PTPRO: variants seen among roughly 807,000 people sequenced by gnomAD.
The protein encoded by PTPRO is receptor-type tyrosine-protein phosphatase O.
PTPRO carries 62 observed loss-of-function variants against 145.2 expected under a neutral mutation model. The ratio of observed to expected loss-of-function variants is 0.43; its 90% CI spans 0.35 to 0.53. PTPRO has a LOEUF of 0.53. Ranked by LOEUF, PTPRO falls within the 20% of genes least tolerant of loss-of-function variation. PTPRO has a pLI of 0.01. For missense variants in PTPRO, 1,345 were observed against 1,482.7 expected (o/e 0.91, Z 1.53); for synonymous variants, 565 against 514.7 (o/e 1.10, Z -1.32).
At chr12:15,571,452 T>C (rs1944047605) in intron 19 of PTPRO, among the ~76,000 whole-genome samples, 2 of 152,104 alleles carry the variant, frequency 1.3e-5, no homozygotes, top group African/African-American at 4.8e-5. Flanking sequence ...CATGCCCGGC[T>C]AACTTTTGTA....
chr12:15,469,553 G>T (rs1321492421), intron 1 of PTPRO, among the ~76,000 whole-genome samples: 1 of 152,082 alleles, frequency 6.6e-6, no homozygotes, highest in East Asian at 1.9e-4. Flanking sequence ...AGCACAGTAG[G>T]CCCTAAAACT....
intron 1 of PTPRO, among the ~76,000 whole-genome samples, chr12:15,390,786 T>A (rs1211982737): frequency 6.6e-6 from 1 of 152,142 alleles, no homozygotes; most frequent in Non-Finnish European, 1.5e-5. Flanking sequence ...GGATAAGAAA[T>A]GGCCAATATA....
chr12:15,399,844 G>A (rs556498607), intron 1 of PTPRO, among the ~76,000 whole-genome samples: 10 of 151,302 alleles, frequency 6.6e-5, no homozygotes, highest in African/African-American at 2.2e-4. Flanking sequence ...TGAGGTCAGG[G>A]GTTCGAGACC....
intron 13 of PTPRO, 111 bp from the exon 14 acceptor site, chr12:15,548,983 T>A: frequency 8.3e-7 from 1 of 1,201,494 alleles, no homozygotes; most frequent in Admixed American, 1.7e-5. Flanking sequence ...TTCTTTGTCA[T>A]CTTATACATT....
In PTPRO at chr12:15,322,556, C is replaced by A; in HGVS notation, c.-171C>A. The A allele has an allele frequency of 1.5e-6, 1 of 677,724 alleles. No homozygotes were observed. The highest frequency in any genetic ancestry group is 2.7e-6 in the Non-Finnish European group (1 of 371,754). 42.0% of individuals were successfully genotyped at this position (677,724 alleles called of 1,614,324 possible). ...TGGCACGTTCTTGGAGGACCCCGGG[C>A]GCAGAGGAGGAAAGGGAGCAGGCGC... On this transcript the variant is annotated 5_prime_UTR_variant, in exon 1 of 27. Coordinates refer to ENST00000281171, the MANE Select transcript of PTPRO (RefSeq NM_030667.3). This position sits in a 1 kb window ranked among gnomAD's most constrained non-coding sequence, Gnocchi z 6.3.
At chr12:15,575,862 C>T (rs1238638715) in intron 19 of PTPRO, among the ~76,000 whole-genome samples, 1 of 152,172 alleles carries the variant, frequency 6.6e-6, no homozygotes, top group East Asian at 1.9e-4. Context: ...AGCTGCATAA[C>T]TCTGATCTGT....
chr12:15,396,990 C>A (rs1053949882), intron 1 of PTPRO, among the ~76,000 whole-genome samples: 1 of 152,024 alleles, frequency 6.6e-6, no homozygotes, highest in South Asian at 2.1e-4. Context: ...TTTTGACACC[C>A]AGAAGCTTAG....
At chr12:15,336,924 A>C (rs1253035923) in intron 1 of PTPRO, among the ~76,000 whole-genome samples, 1 of 152,236 alleles carries the variant, frequency 6.6e-6, no homozygotes, top group Admixed American at 6.5e-5. Context: ...ACCTGACCTA[A>C]GCCCATGTGG....
chr12:15,532,193 T>C (rs1942975760), intron 12 of PTPRO, among the ~76,000 whole-genome samples: 1 of 152,126 alleles, frequency 6.6e-6, no homozygotes, highest in African/African-American at 2.4e-5. Flanking sequence ...TATAGGTAAT[T>C]TGGAAATATG....
rs755092559 is a variant in PTPRO at position 15,546,727 on chromosome 12, T to A, written c.2304+19T>A. On this transcript the variant is annotated intron_variant, in intron 13 of 26. Transcript: ENST00000281171. ...ACTTCAGGTACTGTACCTTTTGATC[T>A]ACCTTTTCTCAGTTAACTTAAGTAA... is the stretch of plus-strand genomic sequence containing the variant. 1 of 1,613,602 alleles carries A rather than the reference T, an allele frequency of 6.2e-7. No homozygotes were observed. Among genetic ancestry groups the A allele is most frequent in the African/African-American group, 1.3e-5 (1 of 74,910 alleles).
chr12:15,463,392 T>C (rs1941348081), intron 1 of PTPRO, among the ~76,000 whole-genome samples: 1 of 152,216 alleles, frequency 6.6e-6, no homozygotes, highest in South Asian at 2.1e-4. Flanking sequence ...TAGCAACATA[T>C]GATTTATTAA....
chr12:15,460,010 T>C (rs1175416837), intron 1 of PTPRO, among the ~76,000 whole-genome samples: 2 of 152,226 alleles, frequency 1.3e-5, no homozygotes, highest in African/African-American at 4.8e-5. Flanking sequence ...GTTGCTGTAG[T>C]AGTGGAAACC....
At chr12:15,553,375 A>C (rs1302866384) in intron 15 of PTPRO, among the ~76,000 whole-genome samples, 2 of 152,142 alleles carry the variant, frequency 1.3e-5, no homozygotes, top group Non-Finnish European at 2.9e-5. Flanking sequence ...TAGGGGTCCT[A>C]GGAGGTGGGT....
chr12:15,353,757 G>A (rs1937889929), intron 1 of PTPRO, among the ~76,000 whole-genome samples: 1 of 152,232 alleles, frequency 6.6e-6, no homozygotes, highest in South Asian at 2.1e-4. Context: ...AAAAATTGTT[G>A]CCATGACCAT....
Position 15,523,306 on chromosome 12 carries a change from A to G in PTPRO, c.1892-1508A>G, listed in dbSNP as rs1942766735. 2.6e-5 allele frequency among the ~76,000 whole-genome samples: 4 copies of G among 152,342 alleles called. No homozygotes were observed. In the South Asian group the frequency reaches 8.3e-4, roughly 32 times the overall value. On this transcript the variant is annotated intron_variant, in intron 10 of 26. Transcript: ENST00000281171. ...TGCTGTATCTCAGAATGGAACACCG[A>G]CTGTCTTCAAACCAACATACACCTG... is the stretch of plus-strand genomic sequence containing the variant.
chr12:15,454,497 T>G (rs1248655283), intron 1 of PTPRO, among the ~76,000 whole-genome samples: 1 of 152,214 alleles, frequency 6.6e-6, no homozygotes, highest in East Asian at 1.9e-4. Context: ...TTTGCAAATA[T>G]TCTCTTCCAT....
intron 12 of PTPRO, among the ~76,000 whole-genome samples, chr12:15,539,552 G>A (rs908612004): frequency 5.3e-5 from 8 of 151,678 alleles, no homozygotes; most frequent in Non-Finnish European, 1.0e-4. Flanking sequence ...ACTTGAGGCC[G>A]GGAGTTCGAG....
intron 25 of PTPRO, among the ~76,000 whole-genome samples, chr12:15,594,559 A>G (rs1358112212): frequency 6.6e-6 from 1 of 151,920 alleles, no homozygotes; most frequent in Non-Finnish European, 1.5e-5. Context: ...ACACACATAT[A>G]TATAAACATA....
At chr12:15,357,145 G>A (rs1413295464) in intron 1 of PTPRO, among the ~76,000 whole-genome samples, 1 of 152,204 alleles carries the variant, frequency 6.6e-6, no homozygotes, top group Non-Finnish European at 1.5e-5. Context: ...TGTTCTCTTA[G>A]CAGCTCTGCT....
Sources: gnomAD v4.1 joint callset for allele counts (sites outside exome capture counted in the v4.1 genomes callset) on GRCh38, gnomAD v4.1.1 for gene constraint, Gnocchi (gnomAD v3.1) non-coding constraint, MANE v1.5 for transcripts, NCBI Gene and HGNC (gene_info 2026-07-23, HGNC 2026-07-21) for gene names.